EMSY: variants seen among roughly 807,000 people sequenced by gnomAD.
EMSY encodes EMSY transcriptional repressor, BRCA2 interacting.
A neutral mutation model predicts 134.6 loss-of-function variants in EMSY; 26 were observed. That is an observed-to-expected ratio of 0.19 (90% CI 0.14 to 0.27). The LOEUF is 0.27. Among genes scored for constraint, EMSY ranks in the 10% least tolerant of loss-of-function variants. The pLI is 1.00. For missense variants in EMSY, 1,305 were observed against 1,611.4 expected, an observed-to-expected ratio of 0.81 and a Z score of 3.26; for synonymous variants, 579 against 577.8, an observed-to-expected ratio of 1.00 and a Z score of -0.03.
intron 2 of EMSY, among the ~76,000 whole-genome samples, chr11:76,451,549 G>T (rs934638306): frequency 2.0e-5 from 3 of 152,162 alleles, no homozygotes; most frequent in Non-Finnish European, 2.9e-5. Flanking sequence ...ATCAGTTGGT[G>T]CCTATTCCCA....
At chr11:76,540,478 T>C (rs1198297073) in intron 17 of EMSY, among the ~76,000 whole-genome samples, 1 of 152,192 alleles carries the variant, frequency 6.6e-6, no homozygotes, top group Admixed American at 6.5e-5. Context: ...CTGTGAAATA[T>C]TGTAAGATAC....
intron 8 of EMSY, among the ~76,000 whole-genome samples, chr11:76,488,194 A>G (rs1949268678): frequency 6.6e-6 from 1 of 152,202 alleles, no homozygotes; most frequent in Non-Finnish European, 1.5e-5. Context: ...GGCTGAGTGC[A>G]TTGGCTCATG....
At chr11:76,496,893 TTATTTTATTGTC>T in intron 9 of EMSY, 1 of 298,966 alleles carries the variant, frequency 3.3e-6, no homozygotes, top group Non-Finnish European at 6.4e-6. Context: ...TTTTGGTGTT[TTATTTTATTGTC>T]TAGAACTTCC....
At chr11:76,524,583 C>G (rs1488116428) in intron 12 of EMSY, among the ~76,000 whole-genome samples, 1 of 152,160 alleles carries the variant, frequency 6.6e-6, no homozygotes, top group Non-Finnish European at 1.5e-5. Flanking sequence ...TTTCAAAGAA[C>G]TTGATATGTA....
intron 20 of EMSY, among the ~76,000 whole-genome samples, chr11:76,549,103 C>T (rs1951756353): frequency 1.3e-5 from 2 of 152,176 alleles, no homozygotes; most frequent in East Asian, 3.9e-4. Context: ...GAACCCACTA[C>T]TTTTGGGTTG....
intron 8 of EMSY, among the ~76,000 whole-genome samples, chr11:76,478,499 T>C (rs1338057682): frequency 6.6e-6 from 1 of 151,932 alleles, no homozygotes; most frequent in Non-Finnish European, 1.5e-5. Context: ...CGTGCCACCA[T>C]GCTCAGCAAA....
chr11:76,454,910 T>C (rs1947809080), intron 4 of EMSY, 120 bp downstream of exon 5: 4 of 751,510 alleles, frequency 5.3e-6, no homozygotes, highest in Non-Finnish European at 6.1e-6. Context: ...CTTGCTTTCC[T>C]TCTCTTCCCC....
intron 8 of EMSY, among the ~76,000 whole-genome samples, chr11:76,481,724 TGAAA>T (rs1471026517): frequency 6.6e-6 from 1 of 152,184 alleles, no homozygotes; most frequent in Non-Finnish European, 1.5e-5. Context: ...AGGGCATCTC[TGAAA>T]GAAAGGCAGC....
chr11:76,461,275 C>T (rs1330600873), intron 6 of EMSY, among the ~76,000 whole-genome samples: 1 of 152,068 alleles, frequency 6.6e-6, no homozygotes, highest in Non-Finnish European at 1.5e-5. Context: ...AACTTGATTT[C>T]TTTGTAACTT....
chr11:76,484,871 T>A, intron 8 of EMSY, among the ~76,000 whole-genome samples: 1 of 148,166 alleles, frequency 6.7e-6, no homozygotes, highest in African/African-American at 2.5e-5. Flanking sequence ...GAGGTGGAGG[T>A]AGTGGAGATT....
At chr11:76,509,789 C>T (rs1400876471) in intron 9 of EMSY, among the ~76,000 whole-genome samples, 1 of 152,096 alleles carries the variant, frequency 6.6e-6, no homozygotes, top group Non-Finnish European at 1.5e-5. Flanking sequence ...AGAAACTAAG[C>T]TTTTGTTAAT....
chr11:76,478,548 G>A (rs969407778), intron 8 of EMSY, among the ~76,000 whole-genome samples: 11 of 151,534 alleles, frequency 7.3e-5, no homozygotes, highest in Non-Finnish European at 1.3e-4. Flanking sequence ...TCACCATCTT[G>A]GTCAGGCTGG....
chr11:76,530,453 G>A (rs1479754892), intron 14 of EMSY, among the ~76,000 whole-genome samples: 1 of 152,108 alleles, frequency 6.6e-6, no homozygotes, highest in East Asian at 1.9e-4. Flanking sequence ...GAGCCACTGC[G>A]TCCAGCTGAA....
At chr11:76,454,493 G>T (rs975060876) in intron 4 of EMSY, among the ~76,000 whole-genome samples, 34 of 152,178 alleles carry the variant, frequency 2.2e-4, no homozygotes, top group African/African-American at 8.2e-4. Flanking sequence ...TTTGCTCTAA[G>T]CTTTTGAATT....
chr11:76,473,712 G>A (rs1046104852), intron 8 of EMSY, among the ~76,000 whole-genome samples: 1 of 152,074 alleles, frequency 6.6e-6, no homozygotes, highest in African/African-American at 2.4e-5. Flanking sequence ...AGAGTAGGCC[G>A]GGCACAGTGG....
At chr11:76,479,400 C>G (rs1248861446) in intron 8 of EMSY, among the ~76,000 whole-genome samples, 1 of 152,182 alleles carries the variant, frequency 6.6e-6, no homozygotes, top group East Asian at 1.9e-4. Context: ...ACCCAGATTC[C>G]CCTCACACAA....
chr11:76,534,108 T>C (rs961288777), intron 14 of EMSY, among the ~76,000 whole-genome samples: 3 of 152,172 alleles, frequency 2.0e-5, no homozygotes, highest in Non-Finnish European at 4.4e-5. Flanking sequence ...TGCTCTCCTA[T>C]GGAAATTTGT....
chr11:76,460,143 T>A, intron 6 of EMSY, 58 bp downstream of exon 7: 1 of 1,571,608 alleles, frequency 6.4e-7, no homozygotes, highest in Non-Finnish European at 8.8e-7. Context: ...CAGTCTAGGC[T>A]CTGATTAGAC....
At chr11:76,458,153 C>A in intron 4 of EMSY, 30 bp from the exon 6 acceptor site, 1 of 1,563,502 alleles carries the variant, frequency 6.4e-7, no homozygotes, top group Non-Finnish European at 8.7e-7. Flanking sequence ...GATTGAAAAC[C>A]CTTGTAGCAG....
Sources: allele counts gnomAD v4.1 joint callset (sites outside exome capture counted in the v4.1 genomes callset), GRCh38; gene constraint gnomAD v4.1.1; transcripts MANE v1.5; gene names NCBI Gene and HGNC (gene_info 2026-07-23, HGNC 2026-07-21).